The following TBC1D1 variants were observed in gnomAD, a reference collection of about 807,000 sequenced individuals.
TBC1D1 encodes the protein TBC1 domain family member 1.
TBC1D1 carries 89 observed loss-of-function variants against 125.6 expected under a neutral mutation model. The observed-to-expected ratio is 0.71, with a 90% CI of 0.60 to 0.85. TBC1D1 has a LOEUF of 0.85. Ranked by LOEUF, TBC1D1 falls within the 40% of genes least tolerant of loss-of-function variation. The pLI, the probability that TBC1D1 is intolerant of heterozygous loss-of-function variation, is 0.00. For missense variants in TBC1D1, 1,377 were observed against 1,469.2 expected (o/e 0.94, Z 1.03); for synonymous variants, 565 against 564.1 (o/e 1.00, Z -0.02).
chr4:37,951,035 G>C (rs1286168735), intron 2 of TBC1D1, among the ~76,000 whole-genome samples: 1 of 152,132 alleles, frequency 6.6e-6, no homozygotes, highest in Non-Finnish European at 1.5e-5. Context: ...CCAATGCTGG[G>C]ATTACAGGTG....
intron 12 of TBC1D1, among the ~76,000 whole-genome samples, chr4:38,070,103 G>A (rs1017870158): frequency 4.6e-5 from 7 of 152,112 alleles, no homozygotes; most frequent in Admixed American, 2.6e-4. Context: ...CTTGTCAACC[G>A]AAGGCAGAAT....
chr4:37,916,970 C>G (rs1719867122), intron 2 of TBC1D1, among the ~76,000 whole-genome samples: 1 of 151,710 alleles, frequency 6.6e-6, no homozygotes, highest in African/African-American at 2.4e-5. Context: ...GGGATTTCAC[C>G]ATGTTGGCCA....
chr4:38,074,987 C>T (rs760882243), intron 12 of TBC1D1, among the ~76,000 whole-genome samples: 1 of 152,158 alleles, frequency 6.6e-6, no homozygotes, highest in Non-Finnish European at 1.5e-5. Context: ...TCTTGAACTC[C>T]TGACCTCGTC....
chr4:37,961,384 A>G (rs1255340190), intron 2 of TBC1D1, among the ~76,000 whole-genome samples: 2 of 152,262 alleles, frequency 1.3e-5, no homozygotes, highest in Non-Finnish European at 2.9e-5. Flanking sequence ...GAGATAATTA[A>G]AAGAATGAGA....
intron 2 of TBC1D1, among the ~76,000 whole-genome samples, chr4:37,933,137 GTAT>G (rs1723638161): frequency 6.6e-6 from 1 of 151,816 alleles, no homozygotes; most frequent in African/African-American, 2.4e-5. Flanking sequence ...AAAACTGGAT[GTAT>G]TACCTATTTT....
intron 1 of TBC1D1, among the ~76,000 whole-genome samples, chr4:37,901,670 A>T (rs1716037900): frequency 1.3e-5 from 2 of 151,848 alleles, no homozygotes; most frequent in South Asian, 4.2e-4. Flanking sequence ...TACTTGTCCC[A>T]GATCAGTTGT....
At chr4:37,999,480 G>T (rs778327009) in intron 2 of TBC1D1, among the ~76,000 whole-genome samples, 1 of 152,172 alleles carries the variant, frequency 6.6e-6, no homozygotes, top group Non-Finnish European at 1.5e-5. Flanking sequence ...ATGTAGGCCC[G>T]CAAAGTACAC....
At chr4:37,901,059 G>C (rs147215381) in intron 1 of TBC1D1, among the ~76,000 whole-genome samples, 1 of 136,578 alleles carries the variant, frequency 7.3e-6, no homozygotes, top group Non-Finnish European at 1.5e-5. Context: ...GCAACAGAGC[G>C]AGACTCTGTC....
chr4:37,989,544 T>A (rs1736131295), intron 2 of TBC1D1, among the ~76,000 whole-genome samples: 2 of 152,268 alleles, frequency 1.3e-5, no homozygotes, highest in Non-Finnish European at 2.9e-5. Flanking sequence ...TGGCTCAGAA[T>A]AAATCTCTTT....
intron 2 of TBC1D1, among the ~76,000 whole-genome samples, chr4:37,961,707 G>C (rs1212359576): frequency 2.6e-5 from 4 of 152,178 alleles, no homozygotes. Flanking sequence ...TAGTGGTTTT[G>C]CTCTTTCTAC....
intron 11 of TBC1D1, 107 bp downstream of exon 12, chr4:38,052,167 C>G (rs1274461275): frequency 6.8e-6 from 5 of 735,808 alleles, no homozygotes; most frequent in Non-Finnish European, 8.8e-6. Flanking sequence ...AGCAGAGCCA[C>G]TGTGTGTGTG....
rs1185836195 is a variant in TBC1D1, at chr4:38,043,531, C to T, written c.1414-831C>T. Among the ~76,000 whole-genome samples, 6 of 150,482 alleles carry T rather than the reference C, an allele frequency of 4.0e-5. No homozygotes were observed. In the East Asian group the frequency reaches 9.8e-4, roughly 25 times the overall value. Reference sequence around the variant, plus strand: ...CTGGGAGGTCAAGACTGCAGTGAGCCATGATTGTGGCCCTGTACTCCAGCC... The same window carrying T: ...CTGGGAGGTCAAGACTGCAGTGAGCTATGATTGTGGCCCTGTACTCCAGCC... On this transcript the variant is annotated intron_variant, in intron 8 of 19. Transcript: ENST00000261439.
At position 38,133,257 on chromosome 4, in the gene TBC1D1, G is replaced by A; in HGVS notation, c.3306G>A (p.Gln1102=). The A allele has an allele frequency of 6.2e-7, 1 of 1,609,612 alleles. No homozygotes were observed. The change falls in exon 19 of 20, where the codon CAG becomes CAA. Residue 1102 remains glutamine (Q), a splice_region_variant and synonymous_variant. Transcript: ENST00000261439. ...ACCTTGACCTCCTTGAACAGTTGCA[G>A]GTAGAGCATATTTATAAAGCAGCTT...
At chr4:38,001,415 G>C (rs1161841483) in intron 2 of TBC1D1, among the ~76,000 whole-genome samples, 1 of 152,138 alleles carries the variant, frequency 6.6e-6, no homozygotes, top group African/African-American at 2.4e-5. Flanking sequence ...TTTTATGAAG[G>C]TTCCAATATG....
rs994949968 is a variant in TBC1D1, at chr4:37,927,195, T to C, written c.417+24683T>C. 2.0e-5 allele frequency among the ~76,000 whole-genome samples: 3 copies of C among 152,252 alleles called. No homozygotes were observed. The East Asian group carries it at 5.8e-4, about 29-fold the overall frequency. On this transcript the variant is annotated intron_variant, in intron 2 of 19. Transcript: ENST00000261439. ...TATTCAAATTAACACAGACTTCTAA[T>C]AGAGGCGGGAAGAGATCACTTAGAT...
intron 12 of TBC1D1, among the ~76,000 whole-genome samples, chr4:38,071,781 A>G (rs1051847933): frequency 6.6e-6 from 1 of 152,226 alleles, no homozygotes; most frequent in Non-Finnish European, 1.5e-5. Context: ...TGTGGAGCTC[A>G]ATAAATTCTA....
At chr4:38,035,548 C>T (rs778046184) in intron 7 of TBC1D1, 40 bp from the exon 8 acceptor site, 26 of 1,526,398 alleles carry the variant, frequency 1.7e-5, no homozygotes, top group Middle Eastern at 1.8e-4. Context: ...ATATTGTTGA[C>T]GATTAAAAAT....
At chr4:38,066,044 A>C (rs1247279225) in intron 12 of TBC1D1, among the ~76,000 whole-genome samples, 1 of 152,192 alleles carries the variant, frequency 6.6e-6, no homozygotes, top group Non-Finnish European at 1.5e-5. Context: ...GATTCGTATC[A>C]ATCTATTTAG....
chr4:38,032,564 G>A (rs959745809), intron 7 of TBC1D1, among the ~76,000 whole-genome samples: 1 of 152,208 alleles, frequency 6.6e-6, no homozygotes, highest in African/African-American at 2.4e-5. Flanking sequence ...GCCCAGAGCA[G>A]TGGCTCACGC....
Sources: allele counts gnomAD v4.1 joint callset (sites outside exome capture counted in the v4.1 genomes callset), GRCh38; gene constraint gnomAD v4.1.1; transcripts MANE v1.5; gene names NCBI Gene and HGNC (gene_info 2026-07-23, HGNC 2026-07-21).